The following GLP1R variants were observed in gnomAD, a reference collection of about 807,000 sequenced individuals.
GLP1R encodes the protein glucagon-like peptide 1 receptor.
A neutral mutation model predicts 68.4 loss-of-function variants in GLP1R; 32 were observed. That is an observed-to-expected ratio of 0.47 (90% confidence interval 0.35 to 0.63). The LOEUF (loss-of-function observed/expected upper bound fraction) is 0.63, where lower values mean the gene tolerates loss of function less well. GLP1R is among the 20% of genes least tolerant of loss of function. The probability of loss-of-function intolerance (pLI) is 0.00; values close to 1 mark genes in which losing one functional copy is unlikely to be tolerated. For synonymous variants in GLP1R, 263 were observed against 244.4 expected, an observed-to-expected ratio of 1.08 and a Z score of -0.71; for missense variants, 502 against 594.9, an observed-to-expected ratio of 0.84 and a Z score of 1.62.
At chr6:39,063,926 A>AACACAT (rs1554169536) in intron 3 of GLP1R, among the ~76,000 whole-genome samples, 1 of 130,240 alleles carries the variant, frequency 7.7e-6, no homozygotes, top group Admixed American at 7.9e-5. Flanking sequence ...ACAGACACAT[A>AACACAT]ACACACACAC....
intron 12 of GLP1R, among the ~76,000 whole-genome samples, chr6:39,081,058 G>C (rs1043505480): frequency 1.3e-5 from 2 of 151,792 alleles, no homozygotes; most frequent in African/African-American, 4.8e-5. Flanking sequence ...CTTACAAAGT[G>C]ATTCAACACA....
chr6:39,088,923 C>T lies in GLP1R; in HGVS notation c.*2850C>T, dbSNP rs1769214495. Among the ~76,000 whole-genome samples, 1 of 152,260 alleles carries T rather than the reference C, an allele frequency of 6.6e-6. No homozygotes were observed. The highest frequency in any genetic ancestry group is 6.5e-5 in the Admixed American group (1 of 15,294). ...ACACTAGAGGGTGGTTGAGCTGGGC[C>T]AGGACCCAGACAAGCCCTTTTCTCT... On this transcript the variant is annotated 3_prime_UTR_variant, in exon 13 of 13. Coordinates refer to ENST00000373256, the MANE Select transcript of GLP1R (RefSeq NM_002062.5).
At chr6:39,068,457 A>G (rs12214488) in intron 5 of GLP1R, among the ~76,000 whole-genome samples, 69,102 of 152,028 alleles carry the variant, frequency 0.45, 16,385 homozygotes, top group Non-Finnish European at 0.51. Context: ...TAGCGGCCCC[A>G]CACCTGTGCC....
At chr6:39,076,818 G>A (rs745677855) in intron 7 of GLP1R, among the ~76,000 whole-genome samples, 3 of 152,134 alleles carry the variant, frequency 2.0e-5, no homozygotes, top group African/African-American at 7.2e-5. Context: ...AGGGCGGTGG[G>A]AGTGGGTATG....
intron 5 of GLP1R, among the ~76,000 whole-genome samples, chr6:39,068,408 C>T (rs1159998828): frequency 4.6e-5 from 7 of 152,166 alleles, no homozygotes; most frequent in Admixed American, 6.5e-5. Context: ...TCTTGCCCCC[C>T]ATGACTCTGC....
chr6:39,081,725 G>A (rs1038447324), intron 12 of GLP1R, among the ~76,000 whole-genome samples: 1 of 152,224 alleles, frequency 6.6e-6, no homozygotes, highest in Admixed American at 6.5e-5. Context: ...GCAATGTGAT[G>A]TAGCAGAAAA....
At chr6:39,053,688 A>G (rs565742061) in intron 1 of GLP1R, among the ~76,000 whole-genome samples, 1 of 152,304 alleles carries the variant, frequency 6.6e-6, no homozygotes, top group South Asian at 2.1e-4. Flanking sequence ...AGCCTAAAAC[A>G]TACAACTCTT....
intron 12 of GLP1R, among the ~76,000 whole-genome samples, chr6:39,081,692 G>A (rs549698369): frequency 6.6e-6 from 1 of 152,282 alleles, no homozygotes; most frequent in South Asian, 2.1e-4. Context: ...GTGTTTCAAG[G>A]AGCTATGAGA....
At chr6:39,066,060 A>G (rs1464358232) in intron 4 of GLP1R, 137 bp from the exon 5 acceptor site, 1 of 625,468 alleles carries the variant, frequency 1.6e-6, no homozygotes, top group Non-Finnish European at 2.9e-6. Flanking sequence ...GGTTACGGTT[A>G]TTCTCTTTCT....
intron 3 of GLP1R, among the ~76,000 whole-genome samples, chr6:39,058,088 G>A (rs12190704): frequency 0.081 from 12,310 of 152,286 alleles, 608 homozygotes; most frequent in Admixed American, 0.17. Context: ...GGGTCTGGGC[G>A]TGAGGCCAGT....
At chr6:39,060,081 C>T (rs1768319787) in intron 3 of GLP1R, among the ~76,000 whole-genome samples, 1 of 152,188 alleles carries the variant, frequency 6.6e-6, no homozygotes, top group Non-Finnish European at 1.5e-5. Context: ...CCCTGAGTTA[C>T]GGATGCTCAG....
At chr6:39,057,397 G>A (rs888437693) in intron 2 of GLP1R, 75 bp from the exon 3 acceptor site, 2 of 898,624 alleles carry the variant, frequency 2.2e-6, no homozygotes, top group African/African-American at 1.6e-5. Flanking sequence ...GGAGGGGAGG[G>A]GTCTTGGGGA....
intron 3 of GLP1R, 89 bp from the exon 4 acceptor site, chr6:39,065,622 C>T (rs1329380147): frequency 5.4e-6 from 4 of 744,024 alleles, no homozygotes; most frequent in Non-Finnish European, 9.2e-6. Flanking sequence ...CAGGGATAGC[C>T]CTCAGAATGG....
At chr6:39,054,888 T>A (rs1294438405) in intron 1 of GLP1R, among the ~76,000 whole-genome samples, 2 of 152,244 alleles carry the variant, frequency 1.3e-5, no homozygotes, top group Non-Finnish European at 2.9e-5. Flanking sequence ...CTTGCTCTGA[T>A]GAAAACTGTG....
chr6:39,054,902 C>T (rs1246728553), intron 1 of GLP1R, among the ~76,000 whole-genome samples: 1 of 152,248 alleles, frequency 6.6e-6, no homozygotes, highest in Non-Finnish European at 1.5e-5. Context: ...AACTGTGCCA[C>T]CTCCTCAGCT....
rs1445189989 is a variant in GLP1R, at chr6:39,079,237, G to C, written c.1043+37G>C. On this transcript the variant is annotated intron_variant, in intron 10 of 12. Transcript: ENST00000373256. This position sits in a 1 kb window ranked among gnomAD's most constrained non-coding sequence, Gnocchi z 4.5. ...GAGCTGGCTTTACTGAGGACCCTCA[G>C]CAAGTGCCCCTTTCCTTCTAGCAGA... The C allele has an allele frequency of 7.2e-7, 1 of 1,384,000 alleles. No homozygotes were observed. Among genetic ancestry groups the C allele is most frequent in the Admixed American group, 1.7e-5 (1 of 59,666 alleles). The allele number at this position is 1,384,000 out of a possible 1,614,324, so 85.7% of individuals were successfully genotyped here.
At chr6:39,058,587 G>A (rs1163235363) in intron 3 of GLP1R, among the ~76,000 whole-genome samples, 1 of 152,140 alleles carries the variant, frequency 6.6e-6, no homozygotes, top group East Asian at 1.9e-4. Flanking sequence ...CAGGAGACAA[G>A]CACCCTCATG....
chr6:39,060,585 A>G (rs992461049), intron 3 of GLP1R, among the ~76,000 whole-genome samples: 1 of 152,212 alleles, frequency 6.6e-6, no homozygotes, highest in South Asian at 2.1e-4. Context: ...AGTCACAGGC[A>G]GACTTCAAAT....
rs201020486 is a variant in GLP1R at position 39,086,028 on chromosome 6, G to A, written c.1347G>A (p.Ala449=). The A allele has an allele frequency of 1.3e-4, 217 of 1,613,896 alleles. No individual in the cohort carries two copies. Among genetic ancestry groups the A allele is most frequent in the Admixed American group, 4.2e-4 (25 of 59,994 alleles). ...GCAGCCTGAGCAGTGGAGCCACGGC[G>A]GGCAGCAGCATGTACACAGCCACTT... The part of the protein sequence containing the change: ...PTSSLSSGAT[A]GSSMYTATCQ... Residue 449 remains alanine (A), a synonymous_variant, in exon 13 of 13, where the codon GCG becomes GCA. Coordinates refer to ENST00000373256, the MANE Select transcript of GLP1R (RefSeq NM_002062.5). This position sits in a 1 kb window ranked among gnomAD's most constrained non-coding sequence, Gnocchi z 4.5.
Sources: gnomAD v4.1 joint callset for allele counts (sites outside exome capture counted in the v4.1 genomes callset) on GRCh38, gnomAD v4.1.1 for gene constraint, Gnocchi (gnomAD v3.1) non-coding constraint, MANE v1.5 for transcripts, NCBI Gene and HGNC (gene_info 2026-07-23, HGNC 2026-07-21) for gene names.